NCK2: variants seen among roughly 807,000 people sequenced by gnomAD.
The protein encoded by NCK2 is NCK adaptor protein 2.
Under a neutral mutation model 33.9 loss-of-function variants are expected in NCK2, and 16 were observed. That is an observed-to-expected ratio of 0.47 (90% CI 0.32 to 0.72). The LOEUF is 0.72. NCK2 is among the 30% of genes least tolerant of loss of function. The probability of loss-of-function intolerance (pLI) is 0.03; values close to 1 mark genes in which losing one functional copy is unlikely to be tolerated. For synonymous variants in NCK2, 273 were observed against 239.9 expected (o/e 1.14, Z -1.27); for missense variants, 418 against 537.3 (o/e 0.78, Z 2.19).
At chr2:105,832,687 G>A (rs1374893991) in intron 2 of NCK2, among the ~76,000 whole-genome samples, 1 of 144,404 alleles carries the variant, frequency 6.9e-6, no homozygotes, top group Non-Finnish European at 1.5e-5. Context: ...ATATGCTGTT[G>A]GATTTACTTT....
intron 2 of NCK2, among the ~76,000 whole-genome samples, chr2:105,850,292 ACG>A (rs1356659269): frequency 6.6e-6 from 1 of 152,220 alleles, no homozygotes; most frequent in African/African-American, 2.4e-5. Context: ...CCAGCAAGAT[ACG>A]GTTCATAGGA....
chr2:105,869,324 C>T (rs1677894504), intron 3 of NCK2, among the ~76,000 whole-genome samples: 1 of 152,204 alleles, frequency 6.6e-6, no homozygotes. Flanking sequence ...CAGCCATCAC[C>T]TGGGCTCCTG....
At chr2:105,748,944 G>A (rs556822125) in intron 1 of NCK2, among the ~76,000 whole-genome samples, 2 of 152,268 alleles carry the variant, frequency 1.3e-5, no homozygotes, top group South Asian at 2.1e-4. Flanking sequence ...ACTGTGGAAG[G>A]CTTTGACCTC....
intron 1 of NCK2, among the ~76,000 whole-genome samples, chr2:105,760,255 G>A (rs1283172539): frequency 6.6e-6 from 1 of 152,230 alleles, no homozygotes; most frequent in Non-Finnish European, 1.5e-5. Context: ...CACTGTTGCG[G>A]AGGAGGTGAT....
intron 1 of NCK2, among the ~76,000 whole-genome samples, chr2:105,762,762 G>A (rs1323277545): frequency 6.6e-6 from 1 of 152,144 alleles, no homozygotes; most frequent in African/African-American, 2.4e-5. Flanking sequence ...CTCAAATTAT[G>A]GTTGTTATTA....
chr2:105,835,314 C>T lies in NCK2; in HGVS notation c.-17+18701C>T, dbSNP rs570836021. ...TGTCTGGGAAAGACTTTTATTTCTT[C>T]TTCCTTTTTGAAGGATAGCTTTGCT... On this transcript the variant is annotated intron_variant, in intron 2 of 4. Coordinates refer to ENST00000233154, the MANE Select transcript of NCK2 (RefSeq NM_003581.5). Among the ~76,000 whole-genome samples the T allele has an allele frequency of 6.3e-5, 9 of 143,850 alleles. No homozygotes were observed. The East Asian group carries it at 1.6e-3, about 26-fold the overall frequency. The allele number at this position is 143,850 out of a possible 152,430, so 94.4% of individuals were successfully genotyped here. A position where few individuals can be genotyped will look rare whatever the true frequency, so the allele number is the denominator to read the frequency against.
chr2:105,769,723 A>G (rs1690065233), intron 1 of NCK2, among the ~76,000 whole-genome samples: 1 of 152,232 alleles, frequency 6.6e-6, no homozygotes, highest in Admixed American at 6.5e-5. Context: ...TGTGCAGTAC[A>G]GCCAGGCGGC....
intron 2 of NCK2, among the ~76,000 whole-genome samples, chr2:105,841,173 G>A (rs1676630818): frequency 6.6e-6 from 1 of 152,168 alleles, no homozygotes; most frequent in Non-Finnish European, 1.5e-5. Context: ...GATTTACTGG[G>A]CACTAACCAA....
rs545043051 is a variant in NCK2 at position 105,843,140 on chromosome 2, ATGAGATATCT to A, written c.-16-11905_-16-11896del. Among the ~76,000 whole-genome samples the A allele has an allele frequency of 4.0e-3, 613 of 152,258 alleles. 4 individuals carry two copies. The highest frequency in any genetic ancestry group is 0.013 in the African/African-American group (546 of 41,538). Reference sequence around the variant, plus strand: ...TTTTGGAATATCTACATATACATAAATGAGATATCTTGGGAATGGGACTCAAGTCTAAATG... The same window carrying A: ...TTTTGGAATATCTACATATACATAAATGGGAATGGGACTCAAGTCTAAATG... On this transcript the variant is annotated intron_variant, in intron 2 of 4. Transcript: ENST00000233154.
chr2:105,888,998 G>A (rs1032776662), intron 4 of NCK2, among the ~76,000 whole-genome samples: 52 of 152,242 alleles, frequency 3.4e-4, no homozygotes, highest in African/African-American at 1.1e-3. Context: ...TGAGGAGCAA[G>A]TGTGGCATGG....
At chr2:105,830,053 G>T (rs899198775) in intron 2 of NCK2, among the ~76,000 whole-genome samples, 20 of 152,062 alleles carry the variant, frequency 1.3e-4, no homozygotes, top group Non-Finnish European at 2.2e-4. Flanking sequence ...TCAAATCAGG[G>T]TAATTAGCAT....
Position 105,762,932 on chromosome 2 carries a change from C to T in NCK2, c.-201+17794C>T, listed in dbSNP as rs182910526. Among the ~76,000 whole-genome samples the T allele has an allele frequency of 1.3e-3, 196 of 152,310 alleles. 1 individual carries two copies. The highest frequency in any genetic ancestry group is 4.1e-3 in the African/African-American group (172 of 41,574). ...ACCTGAGGCCAGGCGCAGTGGCTCACGCCTGTAATCCTAGCACTTTGGGAG... is the reference window on the plus strand; with the variant it reads ...ACCTGAGGCCAGGCGCAGTGGCTCATGCCTGTAATCCTAGCACTTTGGGAG... On this transcript the variant is annotated intron_variant, in intron 1 of 4. Coordinates refer to ENST00000233154, the MANE Select transcript of NCK2 (RefSeq NM_003581.5).
chr2:105,758,301 T>C (rs935338527), intron 1 of NCK2, among the ~76,000 whole-genome samples: 2 of 152,216 alleles, frequency 1.3e-5, no homozygotes, highest in Non-Finnish European at 2.9e-5. Context: ...ACATCAATCC[T>C]GTGCACACAT....
At chr2:105,851,553 G>A (rs919259610) in intron 2 of NCK2, among the ~76,000 whole-genome samples, 1 of 152,198 alleles carries the variant, frequency 6.6e-6, no homozygotes, top group African/African-American at 2.4e-5. Context: ...CACCGCACCC[G>A]GCCAGAGCTG....
intron 2 of NCK2, among the ~76,000 whole-genome samples, chr2:105,841,953 G>A (rs1304180509): frequency 3.9e-5 from 6 of 152,226 alleles, no homozygotes; most frequent in Non-Finnish European, 5.9e-5. Flanking sequence ...GGCACCAAGA[G>A]TCCACTTGAG....
intron 4 of NCK2, among the ~76,000 whole-genome samples, chr2:105,884,278 C>T (rs1345175490): frequency 3.3e-5 from 5 of 152,138 alleles, no homozygotes; most frequent in Admixed American, 1.3e-4. Context: ...ATGTGTTTTC[C>T]TGCTCATTTT....
chr2:105,745,818 C>G (rs1354843509), intron 1 of NCK2: 6 of 152,236 alleles, frequency 3.9e-5, no homozygotes, highest in Non-Finnish European at 8.8e-5. Context: ...AAGTTTCTCA[C>G]AATCGCTCGG....
chr2:105,761,984 A>G (rs1689778585), intron 1 of NCK2, among the ~76,000 whole-genome samples: 1 of 152,218 alleles, frequency 6.6e-6, no homozygotes, highest in South Asian at 2.1e-4. Context: ...GATTTTTGAT[A>G]CATTTTAAAA....
chr2:105,844,732 CT>C lies in NCK2; in HGVS notation c.-16-10314del, dbSNP rs1224534526. Among the ~76,000 whole-genome samples, 3 of 121,530 alleles carry C rather than the reference CT, an allele frequency of 2.5e-5. No individual in the cohort carries two copies. In the East Asian group the frequency reaches 6.9e-4, roughly 28 times the overall value. 79.7% of individuals were successfully genotyped at this position (121,530 alleles called of 152,430 possible). ...CCTGAGCAACAGAGTAAGACTCTGT[CT>C]TGGGGCGGGGGGGGATATATATATA... On this transcript the variant is annotated intron_variant, in intron 2 of 4. Transcript: ENST00000233154.
Sources: gnomAD v4.1 joint callset for allele counts (sites outside exome capture counted in the v4.1 genomes callset) on GRCh38, gnomAD v4.1.1 for gene constraint, MANE v1.5 for transcripts, NCBI Gene and HGNC (gene_info 2026-07-23, HGNC 2026-07-21) for gene names.